SLC26A7: variants seen among roughly 807,000 people sequenced by gnomAD.
The protein encoded by SLC26A7 is solute carrier family 26 member 7.
In SLC26A7, 59 loss-of-function variants were observed where a neutral mutation model predicts 82.5. The ratio of observed to expected loss-of-function variants is 0.72; its 90% CI spans 0.58 to 0.89. The LOEUF is 0.89. Ranked by LOEUF, SLC26A7 falls within the 40% of genes least tolerant of loss-of-function variation. SLC26A7 has a pLI of 0.00. For missense variants in SLC26A7, 820 were observed against 793.0 expected (o/e 1.03, Z -0.41); for synonymous variants, 271 against 274.3 (o/e 0.99, Z 0.12).
chr8:91,302,374 A>G (rs959542065), intron 4 of SLC26A7, among the ~76,000 whole-genome samples: 3 of 152,106 alleles, frequency 2.0e-5, no homozygotes, highest in Non-Finnish European at 2.9e-5. Context: ...TTTGTGTCAT[A>G]AACATAAGAC....
chr8:91,291,111 G>A (rs987438941), intron 3 of SLC26A7, among the ~76,000 whole-genome samples: 13 of 152,142 alleles, frequency 8.5e-5, no homozygotes, highest in Admixed American at 2.6e-4. Context: ...GAGAACCATG[G>A]ATGTTCTATT....
intron 4 of SLC26A7, among the ~76,000 whole-genome samples, chr8:91,316,058 C>T (rs7831823): frequency 0.054 from 8,294 of 152,186 alleles, 271 homozygotes; most frequent in African/African-American, 0.068. Flanking sequence ...CCATGAAAAT[C>T]CACTGTAATT....
intron 15 of SLC26A7, 22 bp downstream of exon 15, chr8:91,369,855 A>G (rs752068942): frequency 2.9e-5 from 46 of 1,578,160 alleles, no homozygotes; most frequent in Non-Finnish European, 3.8e-5. Context: ...TTAAGGAAAA[A>G]GAAAATCTAA....
chr8:91,245,947 G>A (rs1434922548), upstream of SLC26A7, among the ~76,000 whole-genome samples: 4 of 151,986 alleles, frequency 2.6e-5, no homozygotes, highest in Admixed American at 1.3e-4. Flanking sequence ...TATTTCTTCC[G>A]CATTTCCCAT....
At chr8:91,214,910 G>C (rs1473768190) in intron 1 of SLC26A7, among the ~76,000 whole-genome samples, 1 of 151,898 alleles carries the variant, frequency 6.6e-6, no homozygotes, top group Non-Finnish European at 1.5e-5. Flanking sequence ...GAGGCTCCTG[G>C]GGGGAACCAT....
intron 4 of SLC26A7, among the ~76,000 whole-genome samples, chr8:91,302,478 C>A (rs974158373): frequency 6.6e-6 from 1 of 152,060 alleles, no homozygotes; most frequent in Non-Finnish European, 1.5e-5. Context: ...CTAGTATAAA[C>A]AAAGTGCACT....
Position 91,230,373 on chromosome 8 carries a change from C to T in SLC26A7, c.-34+11368C>T, listed in dbSNP as rs111558610. On this transcript the variant is annotated intron_variant, in intron 2 of 5. Transcript: ENST00000522862. ...GCTTTTCTTACCTCTTCTCTGGTCT[C>T]ACCTCTTGCCACTCTTTCCTTAGGC... 4.9e-3 allele frequency among the ~76,000 whole-genome samples: 743 copies of T among 152,336 alleles called. 6 individuals carry two copies. The highest frequency in any genetic ancestry group is 0.016 in the African/African-American group (684 of 41,568).
intron 5 of SLC26A7, among the ~76,000 whole-genome samples, chr8:91,333,199 T>C (rs959699224): frequency 6.6e-6 from 1 of 152,176 alleles, no homozygotes; most frequent in Non-Finnish European, 1.5e-5. Context: ...AACATAGCCT[T>C]TGATTTTAAA....
Position 91,366,655 on chromosome 8 carries a change from G to T in SLC26A7, c.1564G>T (p.Asp522Tyr), listed in dbSNP as rs1228786803. ...CCTGAATGCAAAAAAATTTTATACTGATTTAATGAACATGATCCAAAAGGA... is the reference window on the plus strand; with the variant it reads ...CCTGAATGCAAAAAAATTTTATACTTATTTAATGAACATGATCCAAAAGGA... ...VFLNAKKFYTDLMNMIQKENA... is the reference protein window; with the variant it reads ...VFLNAKKFYTYLMNMIQKENA... The change falls in exon 14 of 19, where the codon GAT (aspartate) becomes TAT (tyrosine). Residue 522 changes from aspartate to tyrosine, a missense_variant. Asp to Tyr is a radical substitution (Grantham distance 160, BLOSUM62 -3). Coordinates refer to ENST00000276609, the MANE Select transcript of SLC26A7 (RefSeq NM_052832.4). The T allele has an allele frequency of 6.2e-7, 1 of 1,613,582 alleles. No homozygotes were observed. The highest frequency in any genetic ancestry group is 8.5e-7 in the Non-Finnish European group (1 of 1,179,854).
chr8:91,344,346 A>T, intron 9 of SLC26A7: 1 of 248,944 alleles, frequency 4.0e-6, no homozygotes, highest in East Asian at 1.8e-4. Flanking sequence ...TGGATACACA[A>T]GAAAAATCAT....
intron 1 of SLC26A7, among the ~76,000 whole-genome samples, chr8:91,215,813 G>A (rs533408714): frequency 1.3e-4 from 20 of 152,254 alleles, no homozygotes; most frequent in Middle Eastern, 3.4e-3. Context: ...GGTTTGTGAA[G>A]AGAGGTCCTC....
intron 2 of SLC26A7, among the ~76,000 whole-genome samples, chr8:91,239,092 C>T (rs1013179976): frequency 5.9e-5 from 9 of 151,912 alleles, no homozygotes; most frequent in East Asian, 1.9e-4. Flanking sequence ...TAGATGAGGC[C>T]GGGTGTGGTG....
At chr8:91,264,678 T>C (rs974364645) in intron 2 of SLC26A7, among the ~76,000 whole-genome samples, 1 of 152,042 alleles carries the variant, frequency 6.6e-6, no homozygotes, top group African/African-American at 2.4e-5. Flanking sequence ...ATTGCTTCTT[T>C]AAGAGTGTTT....
At chr8:91,219,203 T>G (rs1810115051) in intron 2 of SLC26A7, 2 of 371,540 alleles carry the variant, frequency 5.4e-6, no homozygotes, top group Admixed American at 4.5e-5. Context: ...GTGCTTTTTT[T>G]GGCTTAAAAA....
chr8:91,239,194 C>A (rs963928759), intron 2 of SLC26A7, among the ~76,000 whole-genome samples: 2 of 151,672 alleles, frequency 1.3e-5, no homozygotes, highest in African/African-American at 4.8e-5. Flanking sequence ...CACCATGAAA[C>A]CCCGTCTCTA....
At chr8:91,393,293 C>T (rs191977920) in intron 16 of SLC26A7, among the ~76,000 whole-genome samples, 9 of 152,172 alleles carry the variant, frequency 5.9e-5, no homozygotes, top group East Asian at 5.8e-4. Flanking sequence ...ATTAGGATCT[C>T]TCATCTTGCA....
At chr8:91,214,806 AT>A (rs766125366) in intron 1 of SLC26A7, among the ~76,000 whole-genome samples, 894 of 144,214 alleles carry the variant, frequency 6.2e-3, no homozygotes, top group Middle Eastern at 0.018. Context: ...CTTGACAGAA[AT>A]TTTTTTTTTT....
chr8:91,231,226 G>A (rs1417925845), intron 2 of SLC26A7, among the ~76,000 whole-genome samples: 2 of 152,184 alleles, frequency 1.3e-5, no homozygotes, highest in African/African-American at 4.8e-5. Flanking sequence ...AAAAATATAA[G>A]CAAAGGCATG....
chr8:91,250,682 T>C (rs1291237142), intron 2 of SLC26A7, among the ~76,000 whole-genome samples: 2 of 152,170 alleles, frequency 1.3e-5, no homozygotes, highest in African/African-American at 2.4e-5. Context: ...TGCAGGCTTA[T>C]ATTTCCTTGC....
Sources: allele counts gnomAD v4.1 joint callset (sites outside exome capture counted in the v4.1 genomes callset), GRCh38; gene constraint gnomAD v4.1.1; transcripts MANE v1.5; gene names NCBI Gene and HGNC (gene_info 2026-07-23, HGNC 2026-07-21).